The following ZBTB34 variants were observed in gnomAD, a reference collection of about 807,000 sequenced individuals.
ZBTB34 encodes the protein zinc finger and BTB domain containing 34.
ZBTB34 carries 1 observed loss-of-function variant against 33.4 expected under a neutral mutation model. The observed-to-expected ratio is 0.03, with a 90% CI of 0.01 to 0.14. ZBTB34 has a LOEUF of 0.14. Ranked by LOEUF, ZBTB34 falls within the 10% of genes least tolerant of loss-of-function variation. The probability of loss-of-function intolerance (pLI) is 1.00; values close to 1 mark genes in which losing one functional copy is unlikely to be tolerated. For missense variants in ZBTB34, 406 were observed against 657.2 expected, an observed-to-expected ratio of 0.62 and a Z score of 4.18; for synonymous variants, 283 against 253.5, an observed-to-expected ratio of 1.12 and a Z score of -1.11.
At chr9:126,885,498 A>T (rs536187824) in exon 2 of ZBTB34, 4 of 167,206 alleles carry the variant, frequency 2.4e-5, no homozygotes, top group African/African-American at 9.6e-5. Flanking sequence ...CACTTTTATT[A>T]GTAGGGCTAA....
At chr9:126,862,375 G>T (rs1244301470) in intron 1 of ZBTB34, among the ~76,000 whole-genome samples, 1 of 152,098 alleles carries the variant, frequency 6.6e-6, no homozygotes, top group African/African-American at 2.4e-5. Context: ...CAGTTAAGAG[G>T]CCACGGCAGT....
chr9:126,871,269 C>T (rs2033275324), intron 1 of ZBTB34, among the ~76,000 whole-genome samples: 1 of 150,792 alleles, frequency 6.6e-6, no homozygotes. Flanking sequence ...CAACTGGGAA[C>T]TGGTTAAGTA....
At chr9:126,866,695 C>A (rs1320768530) in intron 1 of ZBTB34, among the ~76,000 whole-genome samples, 4 of 151,944 alleles carry the variant, frequency 2.6e-5, no homozygotes, top group African/African-American at 9.7e-5. Flanking sequence ...AATAATTATC[C>A]ATTTGCAGCC....
At chr9:126,871,366 C>CTTTTTTTTTTTTTTTTTTTTTT (rs575246185) in intron 1 of ZBTB34, among the ~76,000 whole-genome samples, 1 of 137,086 alleles carries the variant, frequency 7.3e-6, no homozygotes, top group Non-Finnish European at 1.6e-5. Context: ...GATTTTTTTT[C>CTTTTTTTTTTTTTTTTTTTTTT]TTTTTTTTTT....
intron 1 of ZBTB34, among the ~76,000 whole-genome samples, chr9:126,870,431 CCAGT>C (rs1339765002): frequency 6.6e-6 from 1 of 152,056 alleles, no homozygotes; most frequent in East Asian, 1.9e-4. Context: ...ATTTAAATTC[CCAGT>C]CAGTGTGCCA....
At chr9:126,876,311 G>C (rs1396138410) in intron 1 of ZBTB34, among the ~76,000 whole-genome samples, 1 of 136,076 alleles carries the variant, frequency 7.3e-6, no homozygotes, top group Admixed American at 8.0e-5. Flanking sequence ...GTTTGTAGTA[G>C]ATACACTTTA....
chr9:126,867,872 G>T (rs1377781821), intron 1 of ZBTB34, among the ~76,000 whole-genome samples: 2 of 151,842 alleles, frequency 1.3e-5, no homozygotes, highest in Non-Finnish European at 2.9e-5. Context: ...TGCTTTATAA[G>T]AAATTGGTTG....
At position 126,880,584 on chromosome 9, in the gene ZBTB34, G is replaced by T; in HGVS notation, c.1185G>T (p.Met395Ile). The T allele has an allele frequency of 6.2e-7, 1 of 1,613,900 alleles. No homozygotes were observed. Residue 395 changes from methionine to isoleucine, a missense_variant, in exon 2 of 2, where the codon ATG (methionine) becomes ATT (isoleucine). By Grantham distance (10) the Met-to-Ile change is conservative. Transcript: ENST00000319119. The surrounding 1 kb of genome is among the most constrained non-coding windows in gnomAD (Gnocchi z 6.7). ...AGAAAGGAAGCCTTGATAGGCACATGCGACTCCATATGGGAATCACCCCCT... is the reference window on the plus strand; with the variant it reads ...AGAAAGGAAGCCTTGATAGGCACATTCGACTCCATATGGGAATCACCCCCT...
chr9:126,862,238 G>T (rs1816813014), intron 1 of ZBTB34, among the ~76,000 whole-genome samples: 1 of 152,190 alleles, frequency 6.6e-6, no homozygotes, highest in Non-Finnish European at 1.5e-5. Context: ...CAGTCTCCTG[G>T]CAGAGAAGGG....
Position 126,880,730 on chromosome 9 carries a change from A to C in ZBTB34, c.1331A>C (p.Gln444Pro). 6.2e-7 allele frequency: 1 copy of C among 1,613,802 alleles called. No individual in the cohort carries two copies. The highest frequency in any genetic ancestry group is 8.5e-7 in the Non-Finnish European group (1 of 1,179,872). ...ATCTGCGGGAAGTGCTTTCCATTCC[A>C]AGGTACCCTCAACCAGCACTTGCGG... is the stretch of plus-strand genomic sequence containing the variant. The change falls in exon 2 of 2, where the codon CAA becomes CCA. Residue 444 changes from glutamine (Q) to proline (P), a missense_variant. Gln to Pro is a moderately conservative substitution (Grantham distance 76). Transcript: ENST00000319119. This position sits in a 1 kb window ranked among gnomAD's most constrained non-coding sequence, Gnocchi z 6.7.
In ZBTB34 at chr9:126,880,943, C is replaced by G; in HGVS notation, c.*29C>G. 1 of 1,569,254 alleles carries G rather than the reference C, an allele frequency of 6.4e-7. No homozygotes were observed. Among genetic ancestry groups the G allele is most frequent in the Non-Finnish European group, 8.7e-7 (1 of 1,155,648 alleles). ...GGTAAAGAAGTGCACCCAAACAAAGCACATTAATCAATGCATATTTGTGAT... is the reference window on the plus strand; with the variant it reads ...GGTAAAGAAGTGCACCCAAACAAAGGACATTAATCAATGCATATTTGTGAT... On this transcript the variant is annotated 3_prime_UTR_variant, in exon 2 of 2. Transcript: ENST00000319119. This position sits in a 1 kb window ranked among gnomAD's most constrained non-coding sequence, Gnocchi z 6.7.
At chr9:126,866,035 A>C (rs750827937) in intron 1 of ZBTB34, among the ~76,000 whole-genome samples, 3 of 152,132 alleles carry the variant, frequency 2.0e-5, no homozygotes, top group Non-Finnish European at 2.9e-5. Context: ...GGAGAGGGCT[A>C]GGTGAGGATG....
rs148336832 is a variant in ZBTB34, at chr9:126,885,576, T to G, written c.*4662T>G. 1.6e-3 allele frequency: 260 copies of G among 167,236 alleles called. 1 individual carries two copies. The highest frequency in any genetic ancestry group is 3.4e-3 in the Middle Eastern group (1 of 296). 10.4% of individuals were successfully genotyped at this position (167,236 alleles called of 1,614,324 possible). A position where few individuals can be genotyped will look rare whatever the true frequency, so the allele number is the denominator to read the frequency against. ...AACACAGTGTCATTATCTTGCAATA[T>G]AAACTGGTAACCTCACAACTCCACA... On this transcript the variant is annotated 3_prime_UTR_variant, in exon 2 of 2. Coordinates refer to ENST00000319119, the Ensembl canonical transcript of ZBTB34.
At position 126,879,166 on chromosome 9, in the gene ZBTB34, A is replaced by G. The variant is rs1415622688; in HGVS notation, c.-10-224A>G. ...GTAAAATATTTTACTTTTGATCAAGATGAATATTAGGCAATTATGACATTA... is the reference window on the plus strand; with the variant it reads ...GTAAAATATTTTACTTTTGATCAAGGTGAATATTAGGCAATTATGACATTA... On this transcript the variant is annotated intron_variant, in intron 1 of 1. Coordinates refer to ENST00000319119, the Ensembl canonical transcript of ZBTB34. This position sits in a 1 kb window ranked among gnomAD's most constrained non-coding sequence, Gnocchi z 6.4. Among the ~76,000 whole-genome samples the G allele has an allele frequency of 6.6e-6, 1 of 152,214 alleles. No homozygotes were observed.
chr9:126,868,013 G>T (rs936238094), intron 1 of ZBTB34, among the ~76,000 whole-genome samples: 4 of 152,116 alleles, frequency 2.6e-5, no homozygotes, highest in African/African-American at 9.7e-5. Context: ...ACTCAGTGAG[G>T]GTGGGGAGCT....
chr9:126,875,299 A>G (rs1336224840), intron 1 of ZBTB34, among the ~76,000 whole-genome samples: 1 of 152,234 alleles, frequency 6.6e-6, no homozygotes, highest in Non-Finnish European at 1.5e-5. Flanking sequence ...ACTACTAGAA[A>G]GCATTAAATT....
At chr9:126,863,772 G>C in intron 1 of ZBTB34, 1 of 940,396 alleles carries the variant, frequency 1.1e-6, no homozygotes, top group Non-Finnish European at 1.3e-6. Context: ...TCCAGGGCCA[G>C]TGCCCCTGAA....
chr9:126,880,410 CCTGCAGGGCCTG>C lies in ZBTB34; in HGVS notation c.1012_1023del (p.Leu338_Leu341del). ...CTTTGTCTGTCCACCTGCACAGTGA[CCTGCAGGGCCTG>C]GTGCAGGGCTCTGACAGTGAAGCCA... On this transcript the variant is annotated inframe_deletion, in exon 2 of 2. Transcript: ENST00000319119. The surrounding 1 kb of genome is among the most constrained non-coding windows in gnomAD (Gnocchi z 6.7). 2 of 1,613,566 alleles carry C rather than the reference CCTGCAGGGCCTG, an allele frequency of 1.2e-6. No homozygotes were observed. The highest frequency in any genetic ancestry group is 1.7e-6 in the Non-Finnish European group (2 of 1,179,840).
At chr9:126,874,838 A>G (rs1159031152) in intron 1 of ZBTB34, among the ~76,000 whole-genome samples, 1 of 152,144 alleles carries the variant, frequency 6.6e-6, no homozygotes, top group Non-Finnish European at 1.5e-5. Flanking sequence ...TCTTATTTAA[A>G]ATAGCAGTTG....
Sources: allele counts gnomAD v4.1 joint callset (sites outside exome capture counted in the v4.1 genomes callset), GRCh38; gene constraint gnomAD v4.1.1; non-coding constraint Gnocchi (gnomAD v3.1); transcripts MANE v1.5; gene names NCBI Gene and HGNC (gene_info 2026-07-23, HGNC 2026-07-21).